The following PTPRN2 variants were observed in gnomAD, a reference collection of about 807,000 sequenced individuals.
The protein encoded by PTPRN2 is receptor-type tyrosine-protein phosphatase N2.
In PTPRN2, 74 loss-of-function variants were observed where a neutral mutation model predicts 118.8. That is an observed-to-expected ratio of 0.62 (90% CI 0.52 to 0.76). The LOEUF is 0.76. Among genes scored for constraint, PTPRN2 ranks in the 30% least tolerant of loss-of-function variants. PTPRN2 has a pLI of 0.00. For synonymous variants in PTPRN2, 641 were observed against 608.0 expected (o/e 1.05, Z -0.80); for missense variants, 1,481 against 1,394.4 (o/e 1.06, Z -0.99).
At chr7:157,599,591 C>T (rs1237610690) in intron 16 of PTPRN2, among the ~76,000 whole-genome samples, 1 of 152,224 alleles carries the variant, frequency 6.6e-6, no homozygotes, top group Non-Finnish European at 1.5e-5. Context: ...AAGCACTCAG[C>T]ATGTCAGGAC....
chr7:158,132,074 C>T (rs538092685), intron 9 of PTPRN2, among the ~76,000 whole-genome samples: 7 of 151,520 alleles, frequency 4.6e-5, no homozygotes, highest in African/African-American at 1.7e-4. Flanking sequence ...TACACATCTA[C>T]CTGACACACA....
At chr7:157,709,514 G>A (rs576169957) in intron 12 of PTPRN2, among the ~76,000 whole-genome samples, 10 of 152,234 alleles carry the variant, frequency 6.6e-5, no homozygotes, top group Non-Finnish European at 1.5e-4. Context: ...CACAGAGGCC[G>A]GGGACCCTCC....
chr7:157,824,388 T>C (rs1398828606), intron 12 of PTPRN2, among the ~76,000 whole-genome samples: 1 of 152,178 alleles, frequency 6.6e-6, no homozygotes, highest in Non-Finnish European at 1.5e-5. Context: ...CTTGGGATGT[T>C]AAGGATGGGA....
chr7:158,053,855 T>C (rs1459887020), intron 11 of PTPRN2, among the ~76,000 whole-genome samples: 1,112 of 66,034 alleles, frequency 0.017, no homozygotes, highest in Middle Eastern at 0.021. Context: ...ACGCAGAGAC[T>C]CCAGAGACGC....
intron 19 of PTPRN2, among the ~76,000 whole-genome samples, chr7:157,573,729 G>A (rs1396690682): frequency 6.6e-6 from 1 of 152,148 alleles, no homozygotes; most frequent in Non-Finnish European, 1.5e-5. Context: ...TTGTGGCTAC[G>A]ATGGCCTCAA....
intron 12 of PTPRN2, among the ~76,000 whole-genome samples, chr7:157,875,081 A>G (rs1307592079): frequency 6.6e-6 from 1 of 152,172 alleles, no homozygotes; most frequent in East Asian, 1.9e-4. Context: ...GCTCACTCAC[A>G]GGCAAACAGA....
At chr7:157,960,190 G>A (rs1385353953) in intron 11 of PTPRN2, among the ~76,000 whole-genome samples, 2 of 151,970 alleles carry the variant, frequency 1.3e-5, no homozygotes, top group South Asian at 2.1e-4. Flanking sequence ...GGGTTGAGGA[G>A]TTCTTGTTTA....
intron 12 of PTPRN2, chr7:157,864,542 T>C (rs1175903741): frequency 3.3e-5 from 5 of 152,302 alleles, no homozygotes. Context: ...TTACATTGCC[T>C]GTGCCACTTT....
intron 12 of PTPRN2, among the ~76,000 whole-genome samples, chr7:157,855,242 G>A (rs866411457): frequency 2.0e-5 from 3 of 152,118 alleles, no homozygotes; most frequent in Non-Finnish European, 2.9e-5. Flanking sequence ...GCGTGTGTGC[G>A]GGGCTTGCTG....
At chr7:158,135,935 C>T (rs1050309602) in intron 8 of PTPRN2, among the ~76,000 whole-genome samples, 2 of 152,226 alleles carry the variant, frequency 1.3e-5, no homozygotes, top group African/African-American at 4.8e-5. Context: ...CTTCATCCTT[C>T]GGCCTTGTAT....
chr7:157,682,824 G>A lies in PTPRN2; in HGVS notation c.1902C>T (p.Gly634=). 6.2e-7 allele frequency: 1 copy of A among 1,614,034 alleles called. No homozygotes were observed. The highest frequency in any genetic ancestry group is 1.1e-5 in the South Asian group (1 of 91,082). Residue 634 remains glycine (G), a synonymous_variant, in exon 13 of 23, where the codon GGC becomes GGT. Transcript: ENST00000389418. ...ACILGVLLAS[G]LIYCLRHSSQ... ...AGCTATGGCGGAGGCAGTAGATGAG[G>A]CCAGAGGCCAGGAGGACGCCCAGGA...
Position 157,540,642 on chromosome 7 carries a change from A to G in PTPRN2, c.*72T>C. The G allele has an allele frequency of 1.5e-6, 2 of 1,320,756 alleles. No homozygotes were observed. The highest frequency in any genetic ancestry group is 2.1e-6 in the Non-Finnish European group (2 of 943,210). The allele number at this position is 1,320,756 out of a possible 1,614,324, so 81.8% of individuals were successfully genotyped here. A position where few individuals can be genotyped will look rare whatever the true frequency, so the allele number is the denominator to read the frequency against. ...ATGCAGTTATAATAGAAGACACACA[A>G]TTAAAGTCAGATCATGATTCCTGAC... On this transcript the variant is annotated 3_prime_UTR_variant, in exon 23 of 23. Transcript: ENST00000389418.
intron 12 of PTPRN2, among the ~76,000 whole-genome samples, chr7:157,876,418 G>A (rs1795771784): frequency 6.6e-6 from 1 of 152,170 alleles, no homozygotes; most frequent in Non-Finnish European, 1.5e-5. Context: ...GGGTGGCTGT[G>A]TCTAAAGCCA....
At chr7:157,718,045 G>A (rs998624605) in intron 12 of PTPRN2, among the ~76,000 whole-genome samples, 5 of 152,362 alleles carry the variant, frequency 3.3e-5, no homozygotes, top group East Asian at 1.9e-4. Context: ...GGAATGCTTC[G>A]TTTTTCTGTG....
chr7:157,878,400 G>A (rs1184039322), intron 12 of PTPRN2, among the ~76,000 whole-genome samples: 1 of 150,032 alleles, frequency 6.7e-6, no homozygotes. Context: ...ATTCCGTGGG[G>A]CTGGAAGGGT....
Position 158,060,458 on chromosome 7 carries a change from C to T in PTPRN2, c.1723+20840G>A, listed in dbSNP as rs1810241446. 3.3e-5 allele frequency among the ~76,000 whole-genome samples: 5 copies of T among 152,364 alleles called. No individual in the cohort carries two copies. In the South Asian group the frequency reaches 1.0e-3, roughly 32 times the overall value. On this transcript the variant is annotated intron_variant, in intron 11 of 22. Transcript: ENST00000389418. ...CACGGCTGTGGCGGCACCTCTCCGTCTCTGTCTGCGCATGGCCGCTCTCTG... is the reference window on the plus strand; with the variant it reads ...CACGGCTGTGGCGGCACCTCTCCGTTTCTGTCTGCGCATGGCCGCTCTCTG...
At chr7:158,292,699 C>A (rs747890976) in intron 3 of PTPRN2, among the ~76,000 whole-genome samples, 1 of 152,220 alleles carries the variant, frequency 6.6e-6, no homozygotes, top group Non-Finnish European at 1.5e-5. Flanking sequence ...CTGAATGCTA[C>A]AGGCAATTGT....
intron 12 of PTPRN2, among the ~76,000 whole-genome samples, chr7:157,770,502 G>A (rs76187036): frequency 0.015 from 2,222 of 152,276 alleles, 70 homozygotes; most frequent in African/African-American, 0.05. Context: ...TTATGAATGC[G>A]TGAAGCTAAT....
intron 2 of PTPRN2, among the ~76,000 whole-genome samples, chr7:158,372,279 A>C (rs1245707537): frequency 6.6e-5 from 8 of 121,676 alleles, no homozygotes; most frequent in African/African-American, 1.3e-4. Flanking sequence ...TGATCCCCCC[A>C]ACGCTGGTCC....
Sources: allele counts gnomAD v4.1 joint callset (sites outside exome capture counted in the v4.1 genomes callset), GRCh38; gene constraint gnomAD v4.1.1; transcripts MANE v1.5; gene names NCBI Gene and HGNC (gene_info 2026-07-23, HGNC 2026-07-21).